SLC4A4: variants seen among roughly 807,000 people sequenced by gnomAD.
SLC4A4 encodes solute carrier family 4 member 4.
Under a neutral mutation model 111.5 loss-of-function variants are expected in SLC4A4, and 27 were observed. That is an observed-to-expected ratio of 0.24 (90% confidence interval 0.18 to 0.33). The LOEUF is 0.33. Among genes scored for constraint, SLC4A4 ranks in the 10% least tolerant of loss-of-function variants. The pLI is 1.00. For synonymous variants in SLC4A4, 443 were observed against 463.4 expected, an observed-to-expected ratio of 0.96 and a Z score of 0.57; for missense variants, 909 against 1,315.5, an observed-to-expected ratio of 0.69 and a Z score of 4.78.
At chr4:71,230,405 C>T (rs961865128) in intron 1 of SLC4A4, among the ~76,000 whole-genome samples, 4 of 152,208 alleles carry the variant, frequency 2.6e-5, no homozygotes, top group Non-Finnish European at 5.9e-5. Context: ...GGTCACTCCC[C>T]TGTGTGCGTC....
At chr4:71,211,822 G>T (rs1288062865) in intron 1 of SLC4A4, among the ~76,000 whole-genome samples, 2 of 147,178 alleles carry the variant, frequency 1.4e-5, no homozygotes, top group East Asian at 3.9e-4. Flanking sequence ...GCTTTATGGA[G>T]CTTATCAAAG....
intron 1 of SLC4A4, among the ~76,000 whole-genome samples, chr4:71,231,295 A>T (rs1276035621): frequency 1.3e-5 from 2 of 152,156 alleles, no homozygotes; most frequent in Admixed American, 6.5e-5. Flanking sequence ...GGCAGTTGGC[A>T]TGGGCTCTGG....
At chr4:71,561,333 A>G (rs1736956851) in intron 23 of SLC4A4, among the ~76,000 whole-genome samples, 1 of 151,862 alleles carries the variant, frequency 6.6e-6, no homozygotes. Context: ...TTATTGAGGT[A>G]CGATTGACAA....
intron 16 of SLC4A4, among the ~76,000 whole-genome samples, chr4:71,511,349 C>T (rs999803949): frequency 5.3e-5 from 8 of 151,984 alleles, no homozygotes; most frequent in African/African-American, 1.9e-4. Flanking sequence ...AAGTATCTCT[C>T]CTTCATTTTT....
At chr4:71,186,531 C>G (rs1021408126), upstream of SLC4A4, among the ~76,000 whole-genome samples, 4 of 152,040 alleles carry the variant, frequency 2.6e-5, no homozygotes, top group African/African-American at 9.7e-5. Flanking sequence ...CAAGAGCGGC[C>G]GGTCCGGAGC....
intron 6 of SLC4A4, among the ~76,000 whole-genome samples, chr4:71,376,754 AG>A (rs1231732528): frequency 6.6e-6 from 1 of 151,838 alleles, no homozygotes; most frequent in Non-Finnish European, 1.5e-5. Flanking sequence ...CTCCTGCCTC[AG>A]TCTCCCAAGT....
intron 3 of SLC4A4, among the ~76,000 whole-genome samples, chr4:71,333,158 G>A (rs144090556): frequency 6.6e-6 from 1 of 152,168 alleles, no homozygotes; most frequent in Admixed American, 6.5e-5. Flanking sequence ...ACCTGTCTTG[G>A]GAAAGCTTTT....
At chr4:71,465,606 A>G (rs1727236551) in intron 12 of SLC4A4, among the ~76,000 whole-genome samples, 1 of 151,808 alleles carries the variant, frequency 6.6e-6, no homozygotes, top group Non-Finnish European at 1.5e-5. Flanking sequence ...AAAAATAGGA[A>G]ACAGCCTAGT....
intron 2 of SLC4A4, among the ~76,000 whole-genome samples, chr4:71,150,396 A>G (rs970913888): frequency 2.0e-5 from 3 of 152,138 alleles, no homozygotes; most frequent in African/African-American, 7.2e-5. Context: ...TTCCTCTGGG[A>G]ACCAAGGTTT....
At chr4:71,409,033 C>T (rs747839338) in intron 7 of SLC4A4, among the ~76,000 whole-genome samples, 1 of 152,190 alleles carries the variant, frequency 6.6e-6, no homozygotes, top group Non-Finnish European at 1.5e-5. Flanking sequence ...TTGCCACCAC[C>T]ATGTAAGAAG....
Position 71,570,888 on chromosome 4 carries a change from C to A in SLC4A4, c.*3137C>A, listed in dbSNP as rs1737894950. On this transcript the variant is annotated 3_prime_UTR_variant, in exon 26 of 26. Transcript: ENST00000264485. ...TGTGCCAGGGGCAGTAATGTCCCTG[C>A]CTCTTCTCCCAATCAAGGTTGAGGA... The A allele has an allele frequency of 6.6e-6, 1 of 152,016 alleles. No individual in the cohort carries two copies. Among genetic ancestry groups the A allele is most frequent in the African/African-American group, 2.4e-5 (1 of 41,382 alleles). The allele number at this position is 152,016 out of a possible 1,614,324, so 9.4% of individuals were successfully genotyped here.
chr4:71,094,116 A>C (rs970046756), intron 2 of SLC4A4, among the ~76,000 whole-genome samples: 10 of 152,198 alleles, frequency 6.6e-5, no homozygotes, highest in African/African-American at 2.4e-4. Context: ...GATTTCCCTT[A>C]TGAATTTCTG....
At chr4:71,277,596 C>T (rs527926548) in intron 3 of SLC4A4, among the ~76,000 whole-genome samples, 2 of 144,196 alleles carry the variant, frequency 1.4e-5, no homozygotes, top group South Asian at 2.2e-4. Context: ...TTCTTTCTTT[C>T]TCTCTCTCTC....
chr4:71,395,233 G>A (rs1436937272), intron 6 of SLC4A4, among the ~76,000 whole-genome samples: 1 of 152,168 alleles, frequency 6.6e-6, no homozygotes, highest in East Asian at 1.9e-4. Flanking sequence ...GTCTTGGGAA[G>A]TCAGGATGGG....
In SLC4A4 at chr4:71,558,143, A is replaced by G. The variant is rs544618368; in HGVS notation, c.2937+258A>G. Among the ~76,000 whole-genome samples, 15 of 152,080 alleles carry G rather than the reference A, an allele frequency of 9.9e-5. No individual in the cohort carries two copies. The East Asian group carries it at 2.5e-3, about 26-fold the overall frequency. On this transcript the variant is annotated intron_variant, in intron 22 of 25. Transcript: ENST00000264485. ...AACTTCTTTGAACTACTATTACCTCATCAGTAAAATGGGAGTTGCATTGTT... is the reference window on the plus strand; with the variant it reads ...AACTTCTTTGAACTACTATTACCTCGTCAGTAAAATGGGAGTTGCATTGTT...
chr4:71,144,072 G>A (rs1296309131), intron 2 of SLC4A4, among the ~76,000 whole-genome samples: 1 of 152,080 alleles, frequency 6.6e-6, no homozygotes, highest in Non-Finnish European at 1.5e-5. Context: ...GGGTTTTTAT[G>A]GTTTTAGGTC....
chr4:71,306,577 G>A (rs957916107), intron 3 of SLC4A4, among the ~76,000 whole-genome samples: 8 of 150,998 alleles, frequency 5.3e-5, no homozygotes, highest in Admixed American at 2.0e-4. Context: ...GTGAGACTCC[G>A]TCTCAAAAAA....
At chr4:71,131,410 T>G (rs1385815133) in intron 2 of SLC4A4, among the ~76,000 whole-genome samples, 3 of 152,164 alleles carry the variant, frequency 2.0e-5, no homozygotes, top group Admixed American at 6.5e-5. Context: ...ACTGCGTGAC[T>G]TAAACAGATG....
At chr4:71,319,391 C>T (rs900904456) in intron 3 of SLC4A4, among the ~76,000 whole-genome samples, 1 of 151,972 alleles carries the variant, frequency 6.6e-6, no homozygotes, top group East Asian at 1.9e-4. Context: ...ATCTTGGCCA[C>T]GATTGATTGG....
Sources: gnomAD v4.1 joint callset for allele counts (sites outside exome capture counted in the v4.1 genomes callset) on GRCh38, gnomAD v4.1.1 for gene constraint, MANE v1.5 for transcripts, NCBI Gene and HGNC (gene_info 2026-07-23, HGNC 2026-07-21) for gene names.